Variants in METAP1 observed in about 807,000 individuals in gnomAD.
METAP1 encodes methionine aminopeptidase 1.
In METAP1, 28 loss-of-function variants were observed where a neutral mutation model predicts 53.8. The observed-to-expected ratio is 0.52, with a 90% CI of 0.39 to 0.71. The LOEUF is 0.71. Ranked by LOEUF, METAP1 falls within the 30% of genes least tolerant of loss-of-function variation. The pLI is 0.00. For synonymous variants in METAP1, 181 were observed against 165.7 expected (o/e 1.09, Z -0.71); for missense variants, 389 against 479.8 (o/e 0.81, Z 1.77).
At chr4:99,032,000 A>G (rs912392378) in intron 2 of METAP1, among the ~76,000 whole-genome samples, 1 of 152,232 alleles carries the variant, frequency 6.6e-6, no homozygotes, top group Non-Finnish European at 1.5e-5. Flanking sequence ...TGCTACCATC[A>G]TCAGCTCAAT....
At chr4:99,057,014 C>T (rs542982704) in intron 9 of METAP1, among the ~76,000 whole-genome samples, 5 of 152,138 alleles carry the variant, frequency 3.3e-5, no homozygotes, top group East Asian at 1.9e-4. Flanking sequence ...TTCAGGTGCA[C>T]GCCACCACAC....
intron 1 of METAP1, among the ~76,000 whole-genome samples, chr4:99,019,379 G>A (rs1238418181): frequency 6.6e-6 from 1 of 152,172 alleles, no homozygotes; most frequent in Non-Finnish European, 1.5e-5. Context: ...TGGCATGAGA[G>A]GAGGAATTTC....
chr4:99,043,052 G>T (rs549165868), intron 6 of METAP1, among the ~76,000 whole-genome samples, 197 bp from the exon 7 acceptor site: 1 of 152,164 alleles, frequency 6.6e-6, no homozygotes, highest in East Asian at 1.9e-4. Context: ...AAACTGGTTT[G>T]TGTATGTGTA....
At chr4:99,026,751 T>C in intron 1 of METAP1, 2 of 985,402 alleles carry the variant, frequency 2.0e-6, no homozygotes, top group South Asian at 9.4e-5. Flanking sequence ...TTATTTAGGC[T>C]TAGAGAGTTC....
chr4:99,053,415 A>AT lies in METAP1; in HGVS notation c.932-4329dup, dbSNP rs879577700. ...CAGGCACGTACCACCCTGCCTGGCT[A>AT]TTTTTTTTTGTATTTTTAGTAGAAA... On this transcript the variant is annotated intron_variant, in intron 9 of 10. Coordinates refer to ENST00000296411, the MANE Select transcript of METAP1 (RefSeq NM_015143.3). 3.9e-4 allele frequency among the ~76,000 whole-genome samples: 59 copies of AT among 150,354 alleles called. No individual in the cohort carries two copies. The Middle Eastern group carries it at 0.01, about 26-fold the overall frequency.
At position 99,052,045 on chromosome 4, in the gene METAP1, A is replaced by G. The variant is rs577432573; in HGVS notation, c.931+3169A>G. On this transcript the variant is annotated intron_variant, in intron 9 of 10. Transcript: ENST00000296411. Reference sequence around the variant, plus strand: ...AACTGTTTGGTTCTAGACCCTTGCAATATAGTGAATATCACAATAAAGCAA... The same window carrying G: ...AACTGTTTGGTTCTAGACCCTTGCAGTATAGTGAATATCACAATAAAGCAA... 2.0e-4 allele frequency among the ~76,000 whole-genome samples: 30 copies of G among 152,340 alleles called. No individual in the cohort carries two copies. In the South Asian group the frequency reaches 5.4e-3, roughly 27 times the overall value.
intron 1 of METAP1, chr4:99,023,255 C>T: frequency 2.1e-6 from 1 of 471,730 alleles, no homozygotes; most frequent in Non-Finnish European, 3.4e-6. Flanking sequence ...CTCTTTTTCA[C>T]AATAGTAAGT....
intron 1 of METAP1, among the ~76,000 whole-genome samples, chr4:99,024,669 G>A (rs1182439858): frequency 1.3e-5 from 2 of 152,212 alleles, no homozygotes; most frequent in African/African-American, 4.8e-5. Flanking sequence ...ATCCCCAGGG[G>A]CGATTTGGGG....
chr4:99,042,192 T>C (rs1329079597), intron 6 of METAP1, among the ~76,000 whole-genome samples: 2 of 152,062 alleles, frequency 1.3e-5, no homozygotes, highest in African/African-American at 4.8e-5. Context: ...CTCTGAACTA[T>C]TATTTGTAAT....
chr4:99,055,600 G>A lies in METAP1; in HGVS notation c.932-2153G>A, dbSNP rs17028451. Among the ~76,000 whole-genome samples the A allele has an allele frequency of 8.7e-3, 1,322 of 152,300 alleles. 18 individuals carry two copies. The highest frequency in any genetic ancestry group is 0.03 in the African/African-American group (1,242 of 41,562). ...GTATTTGTTGAGTGAGGTATGTTGGGAAACTGAAACTTTAATCAGTGTAAA... is the reference window on the plus strand; with the variant it reads ...GTATTTGTTGAGTGAGGTATGTTGGAAAACTGAAACTTTAATCAGTGTAAA... On this transcript the variant is annotated intron_variant, in intron 9 of 10. Transcript: ENST00000296411.
At chr4:99,036,539 T>C (rs1233572386) in intron 4 of METAP1, among the ~76,000 whole-genome samples, 1 of 152,120 alleles carries the variant, frequency 6.6e-6, no homozygotes, top group Admixed American at 6.6e-5. Flanking sequence ...CTATTCTATA[T>C]ATGTAAACAC....
chr4:99,022,450 T>G (rs1378383037), intron 1 of METAP1: 2 of 630,940 alleles, frequency 3.2e-6, no homozygotes, highest in Non-Finnish European at 5.5e-6. Flanking sequence ...CCCTACTGGC[T>G]GTGCTGCTTT....
intron 7 of METAP1, 88 bp from the exon 8 acceptor site, chr4:99,045,091 A>T: frequency 7.5e-7 from 1 of 1,326,476 alleles, no homozygotes; most frequent in South Asian, 1.4e-5. Context: ...CTTTTTCATT[A>T]AGTTGCTAGA....
chr4:99,051,941 C>T (rs914447865), intron 9 of METAP1, among the ~76,000 whole-genome samples: 6 of 152,104 alleles, frequency 3.9e-5, no homozygotes, highest in Non-Finnish European at 1.5e-5. Flanking sequence ...AGTTTATTTG[C>T]TTCTATGTTT....
At chr4:99,047,575 G>A (rs1726361251) in intron 8 of METAP1, among the ~76,000 whole-genome samples, 16 of 152,182 alleles carry the variant, frequency 1.1e-4, no homozygotes, top group Admixed American at 1.0e-3. Flanking sequence ...GCAAAATACA[G>A]TTAAGAGCAA....
chr4:99,058,879 C>T (rs1391390466), intron 10 of METAP1, among the ~76,000 whole-genome samples: 1 of 152,194 alleles, frequency 6.6e-6, no homozygotes, highest in Admixed American at 6.5e-5. Flanking sequence ...TGCCAACACC[C>T]AGGGCTGCTA....
chr4:99,041,308 G>A (rs1433112797), intron 6 of METAP1, among the ~76,000 whole-genome samples, 182 bp downstream of exon 6: 1 of 152,038 alleles, frequency 6.6e-6, no homozygotes, highest in Non-Finnish European at 1.5e-5. Context: ...TCATCTTTAA[G>A]AATCTATAAT....
intron 1 of METAP1, among the ~76,000 whole-genome samples, chr4:99,007,318 G>A (rs1479704251): frequency 3.9e-5 from 6 of 152,140 alleles, no homozygotes; most frequent in Admixed American, 3.3e-4. Flanking sequence ...ATCACATCAG[G>A]AGGCACAGAG....
intron 10 of METAP1, among the ~76,000 whole-genome samples, chr4:99,060,909 G>A (rs951136897): frequency 7.2e-5 from 11 of 152,044 alleles, no homozygotes; most frequent in Non-Finnish European, 4.4e-5. Flanking sequence ...GAAATCCAGC[G>A]CCTTTATTTT....
Sources: gnomAD v4.1 joint callset for allele counts (sites outside exome capture counted in the v4.1 genomes callset) on GRCh38, gnomAD v4.1.1 for gene constraint, MANE v1.5 for transcripts, NCBI Gene and HGNC (gene_info 2026-07-23, HGNC 2026-07-21) for gene names.